Variants in TMEM131 observed in about 807,000 individuals in gnomAD.
TMEM131 encodes the protein 2610524E03Rik.
Under a neutral mutation model 211.6 loss-of-function variants are expected in TMEM131, and 66 were observed. That is an observed-to-expected ratio of 0.31 (90% confidence interval 0.26 to 0.38). The LOEUF is 0.38. Ranked by LOEUF, TMEM131 falls within the 10% of genes least tolerant of loss-of-function variation. The pLI is 1.00. For missense variants in TMEM131, 2,036 were observed against 2,299.3 expected, an observed-to-expected ratio of 0.89 and a Z score of 2.34; for synonymous variants, 844 against 841.3, an observed-to-expected ratio of 1.00 and a Z score of -0.06.
intron 4 of TMEM131, among the ~76,000 whole-genome samples, chr2:97,871,845 T>C (rs1674500881): frequency 6.6e-6 from 1 of 152,142 alleles, no homozygotes; most frequent in South Asian, 2.1e-4. Context: ...GAACTGGTTT[T>C]GTCTGTATAG....
rs566765389 is a variant in TMEM131, at chr2:97,825,930, G to A, written c.1075-7209C>T. ...GGAAGTTTATAGCTATCAGACAACC[G>A]CCTACTTAGATAGCAGATGCTACTC... is the stretch of plus-strand genomic sequence containing the variant. On this transcript the variant is annotated intron_variant, in intron 11 of 40. Transcript: ENST00000186436. Among the ~76,000 whole-genome samples, 83 of 152,272 alleles carry A rather than the reference G, an allele frequency of 5.5e-4. 2 individuals carry two copies. In the South Asian group the frequency reaches 0.015, roughly 27 times the overall value.
intron 1 of TMEM131, among the ~76,000 whole-genome samples, chr2:97,944,994 C>CA (rs1279037727): frequency 6.6e-6 from 1 of 152,068 alleles, no homozygotes; most frequent in African/African-American, 2.4e-5. Flanking sequence ...CTTGTGCAAA[C>CA]AAAAACTTAT....
intron 1 of TMEM131, among the ~76,000 whole-genome samples, chr2:97,993,224 T>C (rs541946814): frequency 1.3e-5 from 2 of 152,338 alleles, no homozygotes; most frequent in South Asian, 4.1e-4. Context: ...ATCTTAACTT[T>C]GAAATTTTAA....
intron 17 of TMEM131, among the ~76,000 whole-genome samples, chr2:97,812,076 A>G (rs530812616): frequency 6.1e-4 from 93 of 152,340 alleles, no homozygotes; most frequent in African/African-American, 2.1e-3. Flanking sequence ...ACCAATGTTC[A>G]GGGCCATCTC....
intron 1 of TMEM131, among the ~76,000 whole-genome samples, chr2:97,992,354 T>C (rs1484784519): frequency 1.3e-5 from 2 of 152,236 alleles, no homozygotes; most frequent in African/African-American, 2.4e-5. Context: ...TTTGCACCTA[T>C]GTCACAAATA....
intron 1 of TMEM131, among the ~76,000 whole-genome samples, chr2:97,947,862 A>C (rs994943553): frequency 6.6e-6 from 1 of 152,152 alleles, no homozygotes; most frequent in East Asian, 1.9e-4. Flanking sequence ...TAGAACAGAG[A>C]CTCCAAAAGT....
chr2:97,812,605 T>C, intron 16 of TMEM131, 34 bp downstream of exon 16: 1 of 1,583,626 alleles, frequency 6.3e-7, no homozygotes, highest in Non-Finnish European at 8.6e-7. Context: ...CATAAAATCC[T>C]TAAATGTGAT....
chr2:97,884,344 C>A (rs372261733), intron 4 of TMEM131, among the ~76,000 whole-genome samples: 1 of 152,150 alleles, frequency 6.6e-6, no homozygotes, highest in Non-Finnish European at 1.5e-5. Flanking sequence ...TCCTAACATA[C>A]GATCAATCCT....
At chr2:97,774,235 C>T (rs530325782) in intron 32 of TMEM131, among the ~76,000 whole-genome samples, 2 of 152,348 alleles carry the variant, frequency 1.3e-5, no homozygotes, top group Admixed American at 6.5e-5. Flanking sequence ...ATGAGCTTTT[C>T]GAGGACAAGG....
intron 25 of TMEM131, among the ~76,000 whole-genome samples, chr2:97,799,503 G>T (rs548277019): frequency 3.7e-4 from 56 of 152,282 alleles, no homozygotes; most frequent in African/African-American, 1.3e-3. Flanking sequence ...GCATCTGGCA[G>T]GTATTTTCAC....
At chr2:97,863,231 G>A (rs895189652) in intron 4 of TMEM131, among the ~76,000 whole-genome samples, 4 of 152,144 alleles carry the variant, frequency 2.6e-5, no homozygotes, top group Non-Finnish European at 5.9e-5. Context: ...AAAAGCTGAG[G>A]GATTTCACTA....
chr2:97,814,472 A>G (rs1231248179), intron 13 of TMEM131, 84 bp from the exon 14 acceptor site: 1 of 1,242,026 alleles, frequency 8.1e-7, no homozygotes, highest in Non-Finnish European at 1.1e-6. Context: ...TGTTGTAAGT[A>G]ATAATTTACA....
chr2:97,898,130 A>C (rs1314393088), intron 3 of TMEM131, among the ~76,000 whole-genome samples: 2 of 151,830 alleles, frequency 1.3e-5, no homozygotes, highest in African/African-American at 4.8e-5. Context: ...TTTAGTTTAC[A>C]TTGATTTTTT....
At chr2:97,827,153 G>A (rs1269314489) in intron 11 of TMEM131, 3 of 608,358 alleles carry the variant, frequency 4.9e-6, no homozygotes, top group African/African-American at 3.7e-5. Flanking sequence ...ACAGTGTTGG[G>A]GAGGAGTGGC....
At chr2:97,994,941 G>A (rs146185608) in intron 1 of TMEM131, among the ~76,000 whole-genome samples, 169 of 152,310 alleles carry the variant, frequency 1.1e-3, no homozygotes, top group African/African-American at 4.0e-3. Context: ...GCTTACTAAA[G>A]AGTTAAATGG....
At chr2:97,827,314 C>A in intron 11 of TMEM131, 1 of 788,022 alleles carries the variant, frequency 1.3e-6, no homozygotes, top group Non-Finnish European at 2.3e-6. Flanking sequence ...GAGATCGGCG[C>A]GGTTGTCAGC....
Position 97,802,802 on chromosome 2 carries a change from A to C in TMEM131, c.2403-12T>G. 6.5e-7 allele frequency: 1 copy of C among 1,531,212 alleles called. No individual in the cohort carries two copies. Among genetic ancestry groups the C allele is most frequent in the Non-Finnish European group, 8.8e-7 (1 of 1,140,832 alleles). The allele number at this position is 1,531,212 out of a possible 1,614,324, so 94.9% of individuals were successfully genotyped here. A position where few individuals can be genotyped will look rare whatever the true frequency, so the allele number is the denominator to read the frequency against. On this transcript the variant is annotated splice_polypyrimidine_tract_variant and intron_variant, in intron 22 of 40. Transcript: ENST00000186436. ...ATATAGCACTCAATCTAGAAAAACA[A>C]TTTGTAAGTCACTGTATCAAAATGA...
chr2:97,756,793 G>C lies in TMEM131; in HGVS notation c.*306C>G, dbSNP rs1030806657. The C allele has an allele frequency of 1.8e-5, 4 of 225,092 alleles. No individual in the cohort carries two copies. The highest frequency in any genetic ancestry group is 5.6e-5 in the Admixed American group (1 of 17,874). The allele number at this position is 225,092 out of a possible 1,614,324, so 13.9% of individuals were successfully genotyped here. The stretch of plus-strand genomic sequence containing the variant: ...ATCTGTGTTCATACAGATAAATAAA[G>C]CATGGGGAAGACAGGTGGTGAAAAC... On this transcript the variant is annotated 3_prime_UTR_variant, in exon 41 of 41. Coordinates refer to ENST00000186436, the MANE Select transcript of TMEM131 (RefSeq NM_015348.2).
intron 1 of TMEM131, among the ~76,000 whole-genome samples, chr2:97,930,892 A>G (rs1013518265): frequency 4.6e-5 from 7 of 151,806 alleles, no homozygotes; most frequent in Non-Finnish European, 8.8e-5. Context: ...AAATAAACTA[A>G]TAATTACTGA....
Sources: gnomAD v4.1 joint callset for allele counts (sites outside exome capture counted in the v4.1 genomes callset) on GRCh38, gnomAD v4.1.1 for gene constraint, MANE v1.5 for transcripts, NCBI Gene and HGNC (gene_info 2026-07-23, HGNC 2026-07-21) for gene names.